CTNNA2: variants seen among roughly 807,000 people sequenced by gnomAD.
CTNNA2 encodes the protein catenin alpha 2.
In CTNNA2, 42 loss-of-function variants were observed where a neutral mutation model predicts 101.0. The observed-to-expected ratio is 0.42, with a 90% CI of 0.32 to 0.54. The LOEUF (loss-of-function observed/expected upper bound fraction) is 0.54. CTNNA2 is among the 20% of genes least tolerant of loss of function. The pLI is 0.14. For missense variants in CTNNA2, 871 were observed against 1,223.1 expected, an observed-to-expected ratio of 0.71 and a Z score of 4.29; for synonymous variants, 450 against 456.4, an observed-to-expected ratio of 0.99 and a Z score of 0.18.
intron 9 of CTNNA2, among the ~76,000 whole-genome samples, chr2:80,501,785 C>T (rs1429951187): frequency 6.6e-6 from 1 of 152,108 alleles, no homozygotes; most frequent in Non-Finnish European, 1.5e-5. Context: ...TGCTCTGGAG[C>T]ATAACTTACA....
At chr2:79,243,771 G>A (rs868841728) in intron 2 of CTNNA2, among the ~76,000 whole-genome samples, 13 of 152,120 alleles carry the variant, frequency 8.5e-5, no homozygotes, top group Non-Finnish European at 8.8e-5. Context: ...AAGATTAACC[G>A]AGGGAAGGGA....
intron 6 of CTNNA2, among the ~76,000 whole-genome samples, chr2:79,900,808 T>C (rs982338105): frequency 5.3e-5 from 8 of 152,206 alleles, no homozygotes; most frequent in African/African-American, 1.9e-4. Context: ...ATAATGGGAA[T>C]GTTTGTAACA....
chr2:80,580,084 C>T (rs1695396862), intron 13 of CTNNA2, among the ~76,000 whole-genome samples: 1 of 152,170 alleles, frequency 6.6e-6, no homozygotes. Flanking sequence ...ATAGAGTTAG[C>T]AAAGCCTTAG....
intron 2 of CTNNA2, among the ~76,000 whole-genome samples, chr2:79,691,590 A>G (rs559983717): frequency 2.0e-4 from 31 of 152,276 alleles, no homozygotes; most frequent in African/African-American, 7.0e-4. Flanking sequence ...AAAAAGCACA[A>G]AGCTGAAAGC....
At chr2:79,292,951 T>C (rs901852847) in intron 2 of CTNNA2, 2 of 152,288 alleles carry the variant, frequency 1.3e-5, no homozygotes, top group African/African-American at 4.8e-5. Context: ...AGTGGTAGAA[T>C]GTTAAGGTCC....
At chr2:79,582,391 T>C (rs535764711) in intron 1 of CTNNA2, among the ~76,000 whole-genome samples, 2 of 152,288 alleles carry the variant, frequency 1.3e-5, no homozygotes, top group South Asian at 2.1e-4. Flanking sequence ...ACATATCATA[T>C]AGATGCTAGA....
chr2:80,334,931 T>G (rs1426925671), intron 7 of CTNNA2, among the ~76,000 whole-genome samples: 1 of 152,198 alleles, frequency 6.6e-6, no homozygotes, highest in Non-Finnish European at 1.5e-5. Flanking sequence ...TTTGTCTTGT[T>G]TCCCACTGTA....
At chr2:79,736,733 T>C (rs1670903240) in intron 2 of CTNNA2, among the ~76,000 whole-genome samples, 1 of 152,194 alleles carries the variant, frequency 6.6e-6, no homozygotes, top group Non-Finnish European at 1.5e-5. Context: ...AGCTGAGTAA[T>C]CGTGAAGATT....
At chr2:79,922,140 A>C (rs1273361506) in intron 7 of CTNNA2, among the ~76,000 whole-genome samples, 2 of 152,044 alleles carry the variant, frequency 1.3e-5, no homozygotes, top group African/African-American at 4.8e-5. Flanking sequence ...TCACATTTTC[A>C]CAGTGTTATT....
At chr2:79,659,303 A>T (rs5023270) in intron 2 of CTNNA2, among the ~76,000 whole-genome samples, 44,383 of 151,306 alleles carry the variant, frequency 0.29, 6,960 homozygotes, top group East Asian at 0.67. Context: ...TGAAATAATC[A>T]AAATATAAAG....
intron 7 of CTNNA2, among the ~76,000 whole-genome samples, chr2:80,039,602 G>A (rs1409038041): frequency 6.6e-6 from 1 of 152,162 alleles, no homozygotes; most frequent in Non-Finnish European, 1.5e-5. Flanking sequence ...CTCCAGTGGG[G>A]GTGGTTCTAA....
chr2:80,135,444 A>G (rs890370988), intron 7 of CTNNA2, among the ~76,000 whole-genome samples: 1 of 152,218 alleles, frequency 6.6e-6, no homozygotes, highest in Non-Finnish European at 1.5e-5. Flanking sequence ...ACCAGAAATC[A>G]TAAGTGTTTG....
chr2:80,435,613 G>C (rs527732461), intron 9 of CTNNA2, among the ~76,000 whole-genome samples: 8 of 152,188 alleles, frequency 5.3e-5, no homozygotes, highest in Non-Finnish European at 7.3e-5. Context: ...GGAACAGGTA[G>C]GTAGAGAATA....
chr2:79,257,985 T>C (rs1674870625), intron 2 of CTNNA2, among the ~76,000 whole-genome samples: 1 of 152,120 alleles, frequency 6.6e-6, no homozygotes, highest in Non-Finnish European at 1.5e-5. Context: ...GATGTCTAAC[T>C]CCAATTTCTG....
intron 8 of CTNNA2, among the ~76,000 whole-genome samples, chr2:80,399,701 T>G (rs1308375952): frequency 3.9e-5 from 6 of 152,332 alleles, no homozygotes; most frequent in Non-Finnish European, 8.8e-5. Flanking sequence ...CCAGATAATG[T>G]CTGTGTTTGG....
At chr2:79,674,049 T>C (rs758785396) in intron 2 of CTNNA2, among the ~76,000 whole-genome samples, 6 of 152,188 alleles carry the variant, frequency 3.9e-5, no homozygotes, top group Non-Finnish European at 8.8e-5. Context: ...TAAATGCAGG[T>C]TCCAGGTCAC....
At chr2:79,521,158 AT>A (rs1558695245) in intron 1 of CTNNA2, among the ~76,000 whole-genome samples, 17 of 85,090 alleles carry the variant, frequency 2.0e-4, no homozygotes, top group African/African-American at 7.9e-4. Flanking sequence ...ATATATATAT[AT>A]ATATATATAA....
intron 4 of CTNNA2, among the ~76,000 whole-genome samples, chr2:79,409,618 G>A (rs201750076): frequency 1.2e-4 from 18 of 148,570 alleles, no homozygotes; most frequent in South Asian, 2.2e-4. Context: ...GTAGATATGC[G>A]GCATTATTTC....
At chr2:79,612,536 G>A (rs62140091) in intron 1 of CTNNA2, among the ~76,000 whole-genome samples, 6,857 of 152,096 alleles carry the variant, frequency 0.045, 222 homozygotes, top group Non-Finnish European at 0.065. Context: ...ATACAATGCC[G>A]TACACTTTTA....
Sources: allele counts gnomAD v4.1 joint callset (sites outside exome capture counted in the v4.1 genomes callset), GRCh38; gene constraint gnomAD v4.1.1; transcripts MANE v1.5; gene names NCBI Gene and HGNC (gene_info 2026-07-23, HGNC 2026-07-21).